FBXL20: variants seen among roughly 807,000 people sequenced by gnomAD.
The protein encoded by FBXL20 is F-box/LRR-repeat protein 20.
In FBXL20, 11 loss-of-function variants were observed where a neutral mutation model predicts 64.0. The observed-to-expected ratio is 0.17, with a 90% confidence interval of 0.11 to 0.28. The LOEUF (loss-of-function observed/expected upper bound fraction) is 0.28, where lower values mean the gene tolerates loss of function less well. FBXL20 is among the 10% of genes least tolerant of loss of function. The probability of loss-of-function intolerance (pLI) is 1.00; values close to 1 mark genes in which losing one functional copy is unlikely to be tolerated. For missense variants in FBXL20, 303 were observed against 526.2 expected, an observed-to-expected ratio of 0.58 and a Z score of 4.15; for synonymous variants, 184 against 189.0, an observed-to-expected ratio of 0.97 and a Z score of 0.22.
chr17:39,357,320 T>G (rs999542679), intron 1 of FBXL20, among the ~76,000 whole-genome samples: 2 of 151,892 alleles, frequency 1.3e-5, no homozygotes, highest in African/African-American at 4.8e-5. Context: ...TTGAATTGCT[T>G]TAGTACCTTA....
intron 2 of FBXL20, among the ~76,000 whole-genome samples, chr17:39,317,167 A>G (rs2047300853): frequency 6.6e-6 from 1 of 152,212 alleles, no homozygotes; most frequent in Non-Finnish European, 1.5e-5. Flanking sequence ...TTGATTCTGA[A>G]GTTGATATGG....
intron 2 of FBXL20, among the ~76,000 whole-genome samples, chr17:39,340,927 G>A (rs2047576562): frequency 6.8e-6 from 1 of 146,014 alleles, no homozygotes; most frequent in Non-Finnish European, 1.5e-5. Context: ...CTGACCAATT[G>A]TTTTCTATCT....
rs1319008568 is a variant in FBXL20 at position 39,259,728 on chromosome 17, A to C, written c.*1732T>G. The C allele has an allele frequency of 6.6e-6, 1 of 152,186 alleles. No individual in the cohort carries two copies. The highest frequency in any genetic ancestry group is 2.4e-5 in the African/African-American group (1 of 41,398). 9.4% of individuals were successfully genotyped at this position (152,186 alleles called of 1,614,324 possible). On this transcript the variant is annotated 3_prime_UTR_variant, in exon 15 of 15. Transcript: ENST00000264658. Reference sequence around the variant, plus strand: ...GCCGGGCATGGTGGCTCATGCCTGTAGTCCCAGCACTTTGGGAGGCTGAGG... The same window carrying C: ...GCCGGGCATGGTGGCTCATGCCTGTCGTCCCAGCACTTTGGGAGGCTGAGG...
intron 1 of FBXL20, among the ~76,000 whole-genome samples, chr17:39,372,679 A>T (rs2047930220): frequency 6.7e-6 from 1 of 148,622 alleles, no homozygotes; most frequent in Admixed American, 6.7e-5. Flanking sequence ...GCAATGGTGC[A>T]ATCTCGGCTC....
Position 39,357,275 on chromosome 17 carries a change from C to CAAA in FBXL20, c.43-14037_43-14035dup, listed in dbSNP as rs34332873. 2.4e-3 allele frequency among the ~76,000 whole-genome samples: 222 copies of CAAA among 93,108 alleles called. 3 individuals carry two copies. The highest frequency in any genetic ancestry group is 7.2e-3 in the African/African-American group (205 of 28,298). 61.1% of individuals were successfully genotyped at this position (93,108 alleles called of 152,430 possible). A position where few individuals can be genotyped will look rare whatever the true frequency, so the allele number is the denominator to read the frequency against. ...AGGCAACAAGAGCAAAACTCTGTCT[C>CAAA]AAAAAAAAAAAAAAAAAAGACTTTT... is the stretch of plus-strand genomic sequence containing the variant. On this transcript the variant is annotated intron_variant, in intron 1 of 14. Coordinates refer to ENST00000264658, the MANE Select transcript of FBXL20 (RefSeq NM_032875.3).
intron 2 of FBXL20, among the ~76,000 whole-genome samples, chr17:39,336,271 G>A (rs2047521210): frequency 6.6e-6 from 1 of 152,152 alleles, no homozygotes; most frequent in Non-Finnish European, 1.5e-5. Flanking sequence ...ATATATGTTT[G>A]ATGAAATGAC....
At chr17:39,374,204 G>A (rs1402121338) in intron 1 of FBXL20, among the ~76,000 whole-genome samples, 3 of 149,480 alleles carry the variant, frequency 2.0e-5, no homozygotes, top group Non-Finnish European at 4.4e-5. Context: ...TAGCCTGGGC[G>A]ACAAAGCAAA....
chr17:39,321,362 G>A (rs1054773421), intron 2 of FBXL20, among the ~76,000 whole-genome samples: 4 of 150,826 alleles, frequency 2.7e-5, no homozygotes, highest in Non-Finnish European at 4.4e-5. Flanking sequence ...TGAGGCAGGA[G>A]TTGGAGGTTG....
At chr17:39,266,446 C>G (rs1417100762) in intron 12 of FBXL20, among the ~76,000 whole-genome samples, 5 of 152,104 alleles carry the variant, frequency 3.3e-5, no homozygotes. Flanking sequence ...TCTCAAACTC[C>G]CGACCTCAGG....
chr17:39,312,770 G>A (rs937061087), intron 2 of FBXL20, among the ~76,000 whole-genome samples: 1 of 149,706 alleles, frequency 6.7e-6, no homozygotes, highest in Non-Finnish European at 1.5e-5. Flanking sequence ...GTAGAGACGG[G>A]TTTCAATGTG....
intron 1 of FBXL20, 36 bp from the exon 2 acceptor site, chr17:39,343,277 A>G: frequency 6.9e-7 from 1 of 1,439,888 alleles, no homozygotes; most frequent in Non-Finnish European, 9.6e-7. Context: ...AGTGTTACTT[A>G]ACATTTTATT....
In FBXL20 at chr17:39,306,831, G is replaced by T. The variant is rs191542775; in HGVS notation, c.105-3192C>A. On this transcript the variant is annotated intron_variant, in intron 2 of 14. Transcript: ENST00000264658. ...TCCAACTGTAGAGGCCCATGTAAGG[G>T]ACTGTTTAAAACTGATAATAAATTA... Among the ~76,000 whole-genome samples the T allele has an allele frequency of 2.0e-5, 3 of 152,228 alleles. No homozygotes were observed. In the East Asian group the frequency reaches 5.8e-4, roughly 29 times the overall value.
At chr17:39,304,911 C>T (rs1196389965) in intron 2 of FBXL20, among the ~76,000 whole-genome samples, 1 of 151,996 alleles carries the variant, frequency 6.6e-6, no homozygotes, top group East Asian at 1.9e-4. Context: ...CATCCACTAC[C>T]ACGCCCGGGT....
intron 2 of FBXL20, among the ~76,000 whole-genome samples, chr17:39,339,940 C>G (rs2047566038): frequency 6.6e-6 from 1 of 151,830 alleles, no homozygotes. Context: ...GCCACCGTAA[C>G]TGGATTTTTT....
chr17:39,372,074 C>G (rs1429929969), intron 1 of FBXL20, among the ~76,000 whole-genome samples: 1 of 152,166 alleles, frequency 6.6e-6, no homozygotes, highest in Non-Finnish European at 1.5e-5. Context: ...GTTTGACCCA[C>G]CTCTCTTCTG....
Position 39,268,818 on chromosome 17 carries a change from C to G in FBXL20, c.933+9G>C. On this transcript the variant is annotated intron_variant, in intron 12 of 14. Coordinates refer to ENST00000264658, the MANE Select transcript of FBXL20 (RefSeq NM_032875.3). Reference sequence around the variant, plus strand: ...TACTGTATTTCTGAATTAAAATCTACAATCTTACCTGAACACACTCTTCCA... The same window carrying G: ...TACTGTATTTCTGAATTAAAATCTAGAATCTTACCTGAACACACTCTTCCA... 2 of 1,611,384 alleles carry G rather than the reference C, an allele frequency of 1.2e-6. No individual in the cohort carries two copies. The highest frequency in any genetic ancestry group is 1.7e-6 in the Non-Finnish European group (2 of 1,178,130).
At chr17:39,298,177 C>T (rs909459688) in intron 5 of FBXL20, among the ~76,000 whole-genome samples, 1 of 152,000 alleles carries the variant, frequency 6.6e-6, no homozygotes, top group Non-Finnish European at 1.5e-5. Context: ...TACAGTGGTA[C>T]AATCACAGCT....
intron 1 of FBXL20, among the ~76,000 whole-genome samples, chr17:39,395,630 A>G (rs1053984270): frequency 3.3e-5 from 5 of 152,190 alleles, no homozygotes; most frequent in African/African-American, 1.2e-4. Flanking sequence ...ACTCAATCCC[A>G]TTGCAAAGGT....
rs528856475 is a variant in FBXL20 at position 39,394,643 on chromosome 17, C to T, written c.42+6718G>A. On this transcript the variant is annotated intron_variant, in intron 1 of 14. Coordinates refer to ENST00000264658, the MANE Select transcript of FBXL20 (RefSeq NM_032875.3). ...GCGCTGGCACGATCTCAGCTCACTG[C>T]AACCTTCGCCTCCCGGTTTCAAGCG... Among the ~76,000 whole-genome samples the T allele has an allele frequency of 1.3e-4, 19 of 151,640 alleles. No individual in the cohort carries two copies. In the East Asian group the frequency reaches 2.3e-3, roughly 18 times the overall value.
Sources: allele counts gnomAD v4.1 joint callset (sites outside exome capture counted in the v4.1 genomes callset), GRCh38; gene constraint gnomAD v4.1.1; transcripts MANE v1.5; gene names NCBI Gene and HGNC (gene_info 2026-07-23, HGNC 2026-07-21).